Variants in ADAM17 observed in about 807,000 individuals in gnomAD.
ADAM17 encodes the protein disintegrin and metalloproteinase domain-containing protein 17.
Under a neutral mutation model 96.7 loss-of-function variants are expected in ADAM17, and 39 were observed. That is an observed-to-expected ratio of 0.40 (90% CI 0.31 to 0.53). The LOEUF is 0.53. Among genes scored for constraint, ADAM17 ranks in the 20% least tolerant of loss-of-function variants. The probability of loss-of-function intolerance (pLI) is 0.44; values close to 1 mark genes in which losing one functional copy is unlikely to be tolerated. For missense variants in ADAM17, 777 were observed against 1,013.2 expected (o/e 0.77, Z 3.17); for synonymous variants, 344 against 359.2 (o/e 0.96, Z 0.48).
chr2:9,544,141 AC>A (rs1665320644), intron 1 of ADAM17, among the ~76,000 whole-genome samples: 1 of 151,774 alleles, frequency 6.6e-6, no homozygotes, highest in African/African-American at 2.4e-5. Flanking sequence ...CTACCCTCCT[AC>A]CCTAACTGGC....
intron 4 of ADAM17, among the ~76,000 whole-genome samples, chr2:9,534,999 A>G (rs1274690633): frequency 6.6e-6 from 1 of 152,228 alleles, no homozygotes; most frequent in African/African-American, 2.4e-5. Context: ...TAGCTTAAAC[A>G]TTAACAAACT....
At position 9,489,572 on chromosome 2, in the gene ADAM17, T is replaced by G. The variant is rs1305130006; in HGVS notation, c.*605A>C. ...TTAGGTTTCTAGAGAGCATTAGTCT[T>G]AGAATTATGAAGAGCCATATTAACC... On this transcript the variant is annotated 3_prime_UTR_variant, in exon 19 of 19. Coordinates refer to ENST00000310823, the MANE Select transcript of ADAM17 (RefSeq NM_003183.6). 6.6e-6 allele frequency: 1 copy of G among 152,460 alleles called. No individual in the cohort carries two copies. The highest frequency in any genetic ancestry group is 6.6e-5 in the Admixed American group (1 of 15,260). The allele number at this position is 152,460 out of a possible 1,614,324, so 9.4% of individuals were successfully genotyped here.
At chr2:9,522,420 T>C in intron 7 of ADAM17, 1 of 599,514 alleles carries the variant, frequency 1.7e-6, no homozygotes, top group Non-Finnish European at 3.1e-6. Context: ...TGTGTACATG[T>C]TACCTATTCA....
At chr2:9,497,073 A>G in intron 14 of ADAM17, 41 bp downstream of exon 14, 1 of 1,602,782 alleles carries the variant, frequency 6.2e-7, no homozygotes. Context: ...GACAAAGGCC[A>G]TGTTTTCTCC....
intron 4 of ADAM17, among the ~76,000 whole-genome samples, chr2:9,531,481 C>T (rs1461425583): frequency 3.3e-5 from 5 of 150,926 alleles, no homozygotes; most frequent in Non-Finnish European, 7.4e-5. Context: ...GCGGGTGGAT[C>T]ACCTGAGACC....
At position 9,546,146 on chromosome 2, in the gene ADAM17, T is replaced by C. The variant is rs190421271; in HGVS notation, c.98-2861A>G. Among the ~76,000 whole-genome samples the C allele has an allele frequency of 5.3e-5, 8 of 151,854 alleles. No homozygotes were observed. In the East Asian group the frequency reaches 1.5e-3, roughly 29 times the overall value. ...ATGGAAAAATACATATGTTATAATG[T>C]TAAATATAGATTTCAGAAATATTCA... is the stretch of plus-strand genomic sequence containing the variant. On this transcript the variant is annotated intron_variant, in intron 1 of 18. Transcript: ENST00000310823.
Position 9,490,286 on chromosome 2 carries a change from G to C in ADAM17, c.2366C>G (p.Ala789Gly). The part of the protein sequence containing the change: ...KDPFPNSSTA[A>G]KSFEDLTDHP... ...GTCCGTGAGATCCTCAAATGACTTG[G>C]CAGCTGTGCTGCTATTTGGGAAGGG... Residue 789 changes from alanine (A) to glycine (G), a missense_variant, in exon 19 of 19, where the codon GCC becomes GGC. Ala to Gly is a moderately conservative substitution (Grantham distance 60). This residue lies in a region of ADAM17 where 197 missense variants were observed against 219.4 expected (regional missense o/e 0.90). Transcript: ENST00000310823. 6.2e-7 allele frequency: 1 copy of C among 1,614,140 alleles called. No homozygotes were observed. Among genetic ancestry groups the C allele is most frequent in the Non-Finnish European group, 8.5e-7 (1 of 1,180,020 alleles).
intron 1 of ADAM17, among the ~76,000 whole-genome samples, chr2:9,545,435 C>T (rs530637565): frequency 6.6e-6 from 1 of 152,096 alleles, no homozygotes; most frequent in East Asian, 1.9e-4. Context: ...CTGGGCATGG[C>T]AGCAGACGCC....
chr2:9,511,152 T>TA (rs1175379198), intron 10 of ADAM17, among the ~76,000 whole-genome samples: 25 of 149,592 alleles, frequency 1.7e-4, no homozygotes, highest in East Asian at 9.8e-4. Flanking sequence ...AAGCAAGGGG[T>TA]AAAAAAAACA....
chr2:9,491,069 A>C, intron 18 of ADAM17, 32 bp downstream of exon 18: 2 of 1,600,866 alleles, frequency 1.2e-6, no homozygotes, highest in Non-Finnish European at 1.7e-6. Context: ...AGACCAGGCG[A>C]AGATTATGTT....
chr2:9,546,456 A>G (rs1161834205), intron 1 of ADAM17, among the ~76,000 whole-genome samples: 1 of 152,210 alleles, frequency 6.6e-6, no homozygotes, highest in East Asian at 1.9e-4. Context: ...TTGTGTTTTC[A>G]CTAACAAGTA....
chr2:9,490,623 G>C (rs1266456726), intron 18 of ADAM17, 105 bp from the exon 19 acceptor site: 3 of 1,220,012 alleles, frequency 2.5e-6, no homozygotes, highest in Admixed American at 2.8e-5. Context: ...TGTTGGCACT[G>C]TGATGCTAAG....
chr2:9,554,559 A>G (rs1665683754), intron 1 of ADAM17, among the ~76,000 whole-genome samples: 1 of 152,232 alleles, frequency 6.6e-6, no homozygotes, highest in African/African-American at 2.4e-5. Flanking sequence ...TCATGGTGAA[A>G]TTTGGGAACC....
Position 9,535,793 on chromosome 2 carries a change from G to C in ADAM17, c.450+41C>G, listed in dbSNP as rs767755578. The C allele has an allele frequency of 1.2e-5, 15 of 1,303,910 alleles. 1 individual carries two copies. In the South Asian group the frequency reaches 2.0e-4, roughly 17 times the overall value. The allele number at this position is 1,303,910 out of a possible 1,614,324, so 80.8% of individuals were successfully genotyped here. ...GAACTGAGCAGCTTTTTGAAAATCA[G>C]AGATATAAGCTACTGAAAAAAAATT... On this transcript the variant is annotated intron_variant, in intron 4 of 18. Coordinates refer to ENST00000310823, the MANE Select transcript of ADAM17 (RefSeq NM_003183.6).
At chr2:9,549,065 G>A (rs1459694066) in intron 1 of ADAM17, among the ~76,000 whole-genome samples, 1 of 152,042 alleles carries the variant, frequency 6.6e-6, no homozygotes, top group African/African-American at 2.4e-5. Context: ...AAAACTAATC[G>A]TGAAACTTTA....
Position 9,510,024 on chromosome 2 carries a change from A to G in ADAM17, c.1299T>C (p.Tyr433=), listed in dbSNP as rs747757837. The G allele has an allele frequency of 9.3e-6, 15 of 1,614,152 alleles. No homozygotes were observed. In the Admixed American group the frequency reaches 1.0e-4, roughly 11 times the overall value. The change falls in exon 11 of 19, where the codon TAT becomes TAC. Residue 433 remains tyrosine, a synonymous_variant. Coordinates refer to ENST00000310823, the MANE Select transcript of ADAM17 (RefSeq NM_003183.6). Reference sequence around the variant, plus strand: ...CACTCACAGCTATGGGATACATGACATATTTCCCTCCCTGGTCCTCATTCG... The same window carrying G: ...CACTCACAGCTATGGGATACATGACGTATTTCCCTCCCTGGTCCTCATTCG... ...CAPNEDQGGK[Y]VMYPIAVSGD...
chr2:9,528,138 T>A (rs1277959104), intron 4 of ADAM17, among the ~76,000 whole-genome samples, 184 bp from the exon 5 acceptor site: 2 of 151,284 alleles, frequency 1.3e-5, no homozygotes, highest in African/African-American at 4.9e-5. Flanking sequence ...TGCAGGAAAG[T>A]AAATACATAG....
intron 2 of ADAM17, among the ~76,000 whole-genome samples, chr2:9,537,654 C>T (rs984190286): frequency 1.3e-5 from 2 of 151,752 alleles, no homozygotes; most frequent in Non-Finnish European, 2.9e-5. Context: ...ATGGAGTGAA[C>T]CCGGGAGGCG....
chr2:9,542,626 GT>G (rs1458702555), intron 2 of ADAM17, among the ~76,000 whole-genome samples: 5 of 149,526 alleles, frequency 3.3e-5, no homozygotes, highest in Non-Finnish European at 7.4e-5. Context: ...TCTAAACATC[GT>G]TACCATCATT....
Sources: gnomAD v4.1 joint callset for allele counts (sites outside exome capture counted in the v4.1 genomes callset) on GRCh38, gnomAD v4.1.1 for gene constraint, gnomAD v4.1.1 regional missense constraint, MANE v1.5 for transcripts, NCBI Gene and HGNC (gene_info 2026-07-23, HGNC 2026-07-21) for gene names.